Variants in ANO6 observed in about 807,000 individuals in gnomAD.
ANO6 encodes the protein anoctamin 6.
Under a neutral mutation model 117.5 loss-of-function variants are expected in ANO6, and 106 were observed. The ratio of observed to expected loss-of-function variants is 0.90; its 90% CI spans 0.77 to 1.06. The LOEUF is 1.06. ANO6 is among the 50% of genes least tolerant of loss of function. The probability of loss-of-function intolerance (pLI) is 0.00; values close to 1 mark genes in which losing one functional copy is unlikely to be tolerated. For synonymous variants in ANO6, 367 were observed against 385.1 expected (o/e 0.95, Z 0.55); for missense variants, 955 against 1,121.1 (o/e 0.85, Z 2.12).
At chr12:45,236,187 T>G (rs1947642314) in intron 1 of ANO6, among the ~76,000 whole-genome samples, 1 of 152,238 alleles carries the variant, frequency 6.6e-6, no homozygotes, top group African/African-American at 2.4e-5. Flanking sequence ...GTAGAGTTTA[T>G]TGTCAAATTA....
rs555154223 is a variant in ANO6, at chr12:45,308,023, G to C, written c.150+5930G>C. Reference sequence around the variant, plus strand: ...CAGAGAATTTAGGTAACACTTCCGTGTGTGTGTCTGTGTGTGTGTGTGTAA... The same window carrying C: ...CAGAGAATTTAGGTAACACTTCCGTCTGTGTGTCTGTGTGTGTGTGTGTAA... On this transcript the variant is annotated intron_variant, in intron 2 of 19. Coordinates refer to ENST00000320560, the MANE Select transcript of ANO6 (RefSeq NM_001025356.3). Among the ~76,000 whole-genome samples the C allele has an allele frequency of 4.5e-4, 61 of 134,694 alleles. 1 individual carries two copies. Among genetic ancestry groups the C allele is most frequent in the African/African-American group, 1.6e-3 (58 of 37,014 alleles). 88.4% of individuals were successfully genotyped at this position (134,694 alleles called of 152,430 possible).
intron 1 of ANO6, among the ~76,000 whole-genome samples, chr12:45,295,572 G>C (rs561480237): frequency 2.4e-4 from 37 of 152,212 alleles, no homozygotes; most frequent in African/African-American, 6.5e-4. Flanking sequence ...TTTTGTTTTT[G>C]AGACAGAGTC....
chr12:45,328,534 G>A (rs1443048829), intron 2 of ANO6, among the ~76,000 whole-genome samples: 2 of 152,052 alleles, frequency 1.3e-5, no homozygotes. Context: ...CCTGAGCTCT[G>A]CAACAGTTAG....
chr12:45,369,541 T>C (rs1324187669), intron 9 of ANO6, among the ~76,000 whole-genome samples: 1 of 152,092 alleles, frequency 6.6e-6, no homozygotes, highest in Non-Finnish European at 1.5e-5. Flanking sequence ...TATTCTAGTT[T>C]CCTGAAGAAT....
chr12:45,276,490 T>C (rs1225666042), intron 1 of ANO6, among the ~76,000 whole-genome samples: 1 of 151,520 alleles, frequency 6.6e-6, no homozygotes, highest in Non-Finnish European at 1.5e-5. Context: ...GTTTTTTCTT[T>C]TTCCTTGCAT....
chr12:45,432,338 T>G lies in ANO6; in HGVS notation c.*3027T>G. On this transcript the variant is annotated 3_prime_UTR_variant, in exon 20 of 20. Transcript: ENST00000320560. ...ATTATGAGCATTTTAATAAATTCAT[T>G]TTTACAAACAATAGTATGGTCTATT... 1.2e-6 allele frequency: 1 copy of G among 847,998 alleles called. No homozygotes were observed. The highest frequency in any genetic ancestry group is 1.4e-6 in the Non-Finnish European group (1 of 706,492). 52.5% of individuals were successfully genotyped at this position (847,998 alleles called of 1,614,324 possible).
chr12:45,325,173 A>G (rs1424929134), intron 2 of ANO6, among the ~76,000 whole-genome samples: 1 of 152,214 alleles, frequency 6.6e-6, no homozygotes, highest in East Asian at 1.9e-4. Flanking sequence ...ACTAAATCAT[A>G]AAGAATCTGG....
At chr12:45,419,641 T>C (rs1943306495) in intron 17 of ANO6, among the ~76,000 whole-genome samples, 1 of 152,198 alleles carries the variant, frequency 6.6e-6, no homozygotes, top group South Asian at 2.1e-4. Flanking sequence ...TGAATACTAT[T>C]AAAAATCATG....
chr12:45,367,628 T>C, intron 8 of ANO6, 60 bp from the exon 9 acceptor site: 2 of 1,368,224 alleles, frequency 1.5e-6, no homozygotes, highest in South Asian at 1.2e-5. Flanking sequence ...TGAATGGATA[T>C]TAGATTTTAT....
At chr12:45,244,413 G>GGGTGGTCT (rs1947793682) in intron 1 of ANO6, among the ~76,000 whole-genome samples, 1 of 147,270 alleles carries the variant, frequency 6.8e-6, no homozygotes, top group Non-Finnish European at 1.5e-5. Context: ...TGGGGGGGGG[G>GGGTGGTCT]GGTGGTCTGT....
intron 17 of ANO6, among the ~76,000 whole-genome samples, chr12:45,418,183 A>G (rs1425897983): frequency 1.3e-5 from 2 of 152,196 alleles, no homozygotes; most frequent in East Asian, 1.9e-4. Flanking sequence ...TCCAAAAGCA[A>G]CCACTGTCTG....
chr12:45,409,118 A>AG (rs1463038775), intron 15 of ANO6, among the ~76,000 whole-genome samples: 2 of 152,242 alleles, frequency 1.3e-5, no homozygotes, highest in Non-Finnish European at 2.9e-5. Flanking sequence ...AGCTGCCCAT[A>AG]GGGAAAAAGT....
intron 1 of ANO6, among the ~76,000 whole-genome samples, chr12:45,270,984 T>C (rs1281044113): frequency 6.6e-6 from 1 of 152,088 alleles, no homozygotes; most frequent in Non-Finnish European, 1.5e-5. Flanking sequence ...CCTCCCAAAG[T>C]GTGGGGATTA....
intron 17 of ANO6, among the ~76,000 whole-genome samples, chr12:45,417,838 G>A (rs1231106570): frequency 6.6e-6 from 1 of 152,164 alleles, no homozygotes; most frequent in Non-Finnish European, 1.5e-5. Context: ...TTTAGGCTCT[G>A]GATGAGGGAA....
chr12:45,235,582 ACTAGCAAGGAGG>A (rs1565636023), intron 1 of ANO6, among the ~76,000 whole-genome samples: 1 of 152,208 alleles, frequency 6.6e-6, no homozygotes, highest in Admixed American at 6.5e-5. Context: ...TCTGAGCAGA[ACTAGCAAGGAGG>A]CTTGGTGGTA....
chr12:45,302,289 G>C (rs1038754076), intron 2 of ANO6, among the ~76,000 whole-genome samples, 196 bp downstream of exon 2: 5 of 152,136 alleles, frequency 3.3e-5, no homozygotes, highest in African/African-American at 1.2e-4. Flanking sequence ...TAAGCATCAT[G>C]GTCTATAGGT....
chr12:45,327,268 A>G (rs1940502233), intron 2 of ANO6, among the ~76,000 whole-genome samples: 1 of 152,194 alleles, frequency 6.6e-6, no homozygotes, highest in South Asian at 2.1e-4. Context: ...TATTTTGACT[A>G]TCATATTGGG....
At chr12:45,386,931 G>A (rs1390947175) in intron 10 of ANO6, among the ~76,000 whole-genome samples, 1 of 152,220 alleles carries the variant, frequency 6.6e-6, no homozygotes, top group East Asian at 1.9e-4. Flanking sequence ...GAAACACCCA[G>A]TTAAATGTTC....
At chr12:45,329,632 A>G (rs1420753809) in intron 2 of ANO6, among the ~76,000 whole-genome samples, 7 of 152,148 alleles carry the variant, frequency 4.6e-5, no homozygotes, top group Non-Finnish European at 1.5e-5. Flanking sequence ...ACCAAAGGCA[A>G]CAGAATGTGG....
Sources: gnomAD v4.1 joint callset for allele counts (sites outside exome capture counted in the v4.1 genomes callset) on GRCh38, gnomAD v4.1.1 for gene constraint, MANE v1.5 for transcripts, NCBI Gene and HGNC (gene_info 2026-07-23, HGNC 2026-07-21) for gene names.